Variants in PRH1 observed in about 807,000 individuals in gnomAD.
PRH1 encodes the protein salivary acidic proline-rich phosphoprotein 1/2.
Under a neutral mutation model 7.9 loss-of-function variants are expected in PRH1, and 7 were observed. The ratio of observed to expected loss-of-function variants is 0.89; its 90% CI spans 0.50 to 1.67. The LOEUF is 1.67. Among genes scored for constraint, PRH1 ranks in the 40% most tolerant of loss-of-function variants. PRH1 has a pLI of 0.00. For synonymous variants in PRH1, 45 were observed against 80.8 expected, an observed-to-expected ratio of 0.56 and a Z score of 2.38; for missense variants, 109 against 223.6, an observed-to-expected ratio of 0.49 and a Z score of 3.27.
intron 2 of PRH1, chr12:10,973,286 T>C (rs557754389): frequency 1.5e-4 from 25 of 165,882 alleles, no homozygotes; most frequent in African/African-American, 4.7e-4. Context: ...TTAATTTATT[T>C]TTGATTACTT....
intron 1 of PRH1, chr12:11,030,518 G>T: frequency 6.2e-7 from 1 of 1,614,220 alleles, no homozygotes; most frequent in Non-Finnish European, 8.5e-7. Flanking sequence ...TGGGTGGATT[G>T]AAGGATAGCT....
chr12:10,912,554 A>C (rs1321473824), intron 2 of PRH1, among the ~76,000 whole-genome samples: 1 of 151,448 alleles, frequency 6.6e-6, no homozygotes, highest in Non-Finnish European at 1.5e-5. Context: ...CAGATGTATT[A>C]TTTTTCATTA....
downstream of PRH1, among the ~76,000 whole-genome samples, chr12:11,115,895 G>A (rs977806808): frequency 2.0e-5 from 3 of 151,884 alleles, no homozygotes; most frequent in Non-Finnish European, 1.5e-5. Context: ...TACAGCGAAA[G>A]CAATACTAAG....
At chr12:11,026,727 T>A (rs1941936040) in intron 1 of PRH1, among the ~76,000 whole-genome samples, 1 of 152,204 alleles carries the variant, frequency 6.6e-6, no homozygotes. Flanking sequence ...TACCAGAAAC[T>A]TAAATCAACA....
At chr12:10,893,536 A>G (rs556293248) in intron 2 of PRH1, among the ~76,000 whole-genome samples, 4 of 152,278 alleles carry the variant, frequency 2.6e-5, no homozygotes, top group African/African-American at 9.6e-5. Flanking sequence ...AATGTCCCCT[A>G]GGGGGGCAAA....
chr12:11,057,579 G>GT (rs1943416814), intron 1 of PRH1, among the ~76,000 whole-genome samples: 1 of 144,280 alleles, frequency 6.9e-6, no homozygotes, highest in Non-Finnish European at 1.5e-5. Flanking sequence ...GGTCACTGCC[G>GT]TGACAAAACA....
In PRH1 at chr12:11,057,158, C is replaced by T. The variant is rs1449655036; in HGVS notation, n.124-9970G>A. The stretch of plus-strand genomic sequence containing the variant: ...AGTATTTGGAACTATAGGCATGCAG[C>T]ACCACGCCAGCTAATTTTTCAATTT... On this transcript the variant is annotated intron_variant and non_coding_transcript_variant, in intron 1 of 4. Transcript: ENST00000541977. Among the ~76,000 whole-genome samples the T allele has an allele frequency of 2.6e-5, 4 of 152,148 alleles. 1 individual carries two copies. The highest frequency in any genetic ancestry group is 2.6e-4 in the Admixed American group (4 of 15,284).
At chr12:10,978,768 C>A (rs1317677872) in intron 1 of PRH1, among the ~76,000 whole-genome samples, 1 of 147,114 alleles carries the variant, frequency 6.8e-6, no homozygotes, top group African/African-American at 2.5e-5. Context: ...AAGGCATAGA[C>A]AATTTTCAAG....
intron 1 of PRH1, among the ~76,000 whole-genome samples, chr12:11,042,057 A>T (rs1033484313): frequency 7.2e-5 from 11 of 152,254 alleles, no homozygotes; most frequent in African/African-American, 2.6e-4. Flanking sequence ...CTAATTGTGT[A>T]TCTTAAAGAA....
At chr12:10,959,217 G>A (rs958381278) in intron 2 of PRH1, among the ~76,000 whole-genome samples, 5 of 152,094 alleles carry the variant, frequency 3.3e-5, no homozygotes, top group African/African-American at 4.8e-5. Flanking sequence ...TAGCAGAAGA[G>A]GGAAAGACTG....
intron 1 of PRH1, chr12:10,986,522 G>T: frequency 6.2e-7 from 1 of 1,614,078 alleles, no homozygotes; most frequent in Non-Finnish European, 8.5e-7. Flanking sequence ...GAAGGTTGGA[G>T]AAATTGGCAA....
At chr12:11,018,555 G>T (rs1458103336) in intron 1 of PRH1, among the ~76,000 whole-genome samples, 1 of 89,442 alleles carries the variant, frequency 1.1e-5, no homozygotes, top group Non-Finnish European at 2.7e-5. Flanking sequence ...CTCACTTCAT[G>T]TAAAGTCTAA....
intron 1 of PRH1, among the ~76,000 whole-genome samples, chr12:11,027,461 G>A (rs1304594650): frequency 0.11 from 7,938 of 70,914 alleles, no homozygotes; most frequent in Non-Finnish European, 0.15. Context: ...ACCACACGTT[G>A]AAACAATCTT....
At chr12:11,120,844 GTCCA>G (rs2136323718) in exon 2 of PRH1, 1 of 152,888 alleles carries the variant, frequency 6.5e-6, no homozygotes, top group East Asian at 1.9e-4. Flanking sequence ...TTACAGCTTA[GTCCA>G]CAGATTCTGA....
At chr12:10,947,356 T>G (rs914257609) in intron 2 of PRH1, among the ~76,000 whole-genome samples, 1 of 152,230 alleles carries the variant, frequency 6.6e-6, no homozygotes, top group Non-Finnish European at 1.5e-5. Flanking sequence ...TCTTGTTAAA[T>G]TGAATACTTT....
intron 1 of PRH1, among the ~76,000 whole-genome samples, chr12:11,164,428 C>T (rs1398316570): frequency 1.3e-5 from 2 of 152,194 alleles, no homozygotes; most frequent in African/African-American, 4.8e-5. Flanking sequence ...GAGCCAATCC[C>T]TATAATGAAT....
chr12:11,143,875 T>C (rs1017180044), intron 1 of PRH1, among the ~76,000 whole-genome samples: 1 of 152,176 alleles, frequency 6.6e-6, no homozygotes, highest in African/African-American at 2.4e-5. Context: ...GATGACAACT[T>C]ATTAGCAAGT....
At chr12:11,017,575 C>G (rs1290695068) in intron 1 of PRH1, among the ~76,000 whole-genome samples, 1 of 152,112 alleles carries the variant, frequency 6.6e-6, no homozygotes, top group Non-Finnish European at 1.5e-5. Context: ...AACTTCGCCT[C>G]CTGGGTTCAA....
intron 2 of PRH1, among the ~76,000 whole-genome samples, chr12:10,968,303 G>C (rs909880337): frequency 6.6e-6 from 1 of 152,108 alleles, no homozygotes; most frequent in African/African-American, 2.4e-5. Flanking sequence ...TATTTAGCTT[G>C]ACTTGAACTT....
Sources: allele counts gnomAD v4.1 joint callset (sites outside exome capture counted in the v4.1 genomes callset), GRCh38; gene constraint gnomAD v4.1.1; transcripts MANE v1.5; gene names NCBI Gene and HGNC (gene_info 2026-07-23, HGNC 2026-07-21).